Variants in PCDHA13 observed in about 807,000 individuals in gnomAD.
PCDHA13 encodes the protein protocadherin alpha 13.
In PCDHA13, 54 loss-of-function variants were observed where a neutral mutation model predicts 64.8. That is an observed-to-expected ratio of 0.83 (90% CI 0.67 to 1.04). The LOEUF (loss-of-function observed/expected upper bound fraction) is 1.04. PCDHA13 is among the 50% of genes least tolerant of loss of function. PCDHA13 has a pLI of 0.00. For missense variants in PCDHA13, 1,248 were observed against 1,254.3 expected, an observed-to-expected ratio of 0.99 and a Z score of 0.08; for synonymous variants, 587 against 564.4, an observed-to-expected ratio of 1.04 and a Z score of -0.57.
Position 140,973,415 on chromosome 5 carries a change from A to C in PCDHA13, c.2395-5534A>C, listed in dbSNP as rs552618579. On this transcript the variant is annotated intron_variant, in intron 1 of 3. Coordinates refer to ENST00000289272, the MANE Select transcript of PCDHA13 (RefSeq NM_018904.3). ...AATCATATCTATGAGCTTCCACTCC[A>C]GTTTTTCATCCTCTGATGGTCACTT... Among the ~76,000 whole-genome samples the C allele has an allele frequency of 1.8e-3, 272 of 152,344 alleles. 1 individual carries two copies. Among genetic ancestry groups the C allele is most frequent in the Non-Finnish European group, 3.1e-3 (212 of 68,028 alleles).
chr5:140,945,829 A>G (rs1472344558), intron 1 of PCDHA13, among the ~76,000 whole-genome samples: 1 of 152,180 alleles, frequency 6.6e-6, no homozygotes, highest in Non-Finnish European at 1.5e-5. Flanking sequence ...ACAAAAGTCA[A>G]CTCAAAATGG....
chr5:140,949,685 G>A (rs1044878374), intron 1 of PCDHA13, among the ~76,000 whole-genome samples: 4 of 151,794 alleles, frequency 2.6e-5, no homozygotes, highest in East Asian at 1.9e-4. Flanking sequence ...TTGTTGAAGC[G>A]TATTGTTGGA....
At chr5:140,975,634 A>G (rs1457671890) in intron 1 of PCDHA13, among the ~76,000 whole-genome samples, 4 of 152,244 alleles carry the variant, frequency 2.6e-5, no homozygotes, top group African/African-American at 9.6e-5. Context: ...TGGTACGAAG[A>G]TAGCATATTA....
intron 1 of PCDHA13, among the ~76,000 whole-genome samples, chr5:140,898,001 C>G (rs2066457062): frequency 6.6e-6 from 1 of 152,116 alleles, no homozygotes; most frequent in Non-Finnish European, 1.5e-5. Flanking sequence ...TGAGAAGTGT[C>G]TGTTCATATC....
At chr5:140,940,987 T>A (rs1239979893) in intron 1 of PCDHA13, among the ~76,000 whole-genome samples, 2 of 152,190 alleles carry the variant, frequency 1.3e-5, no homozygotes, top group African/African-American at 4.8e-5. Flanking sequence ...TAGTTACAAG[T>A]TTATAGGATT....
At chr5:140,926,947 G>C in intron 1 of PCDHA13, 1 of 1,590,600 alleles carries the variant, frequency 6.3e-7, no homozygotes, top group Non-Finnish European at 8.6e-7. Context: ...CGGCGCTGCA[G>C]CGGGACAGCT....
chr5:140,935,995 C>G (rs1282709145), intron 1 of PCDHA13, among the ~76,000 whole-genome samples: 1 of 150,774 alleles, frequency 6.6e-6, no homozygotes, highest in African/African-American at 2.4e-5. Context: ...CGGGTTCAAG[C>G]GATTCTCCCA....
At chr5:140,889,121 G>A (rs2062113098) in intron 1 of PCDHA13, among the ~76,000 whole-genome samples, 1 of 151,724 alleles carries the variant, frequency 6.6e-6, no homozygotes, top group East Asian at 1.9e-4. Flanking sequence ...AGGTGATACT[G>A]ATATGTCCTA....
At chr5:140,996,597 C>G (rs183031992) in intron 3 of PCDHA13, among the ~76,000 whole-genome samples, 47 of 152,304 alleles carry the variant, frequency 3.1e-4, no homozygotes, top group African/African-American at 1.1e-3. Context: ...CGCCTCCCCC[C>G]ATTTTCATTT....
Position 140,884,312 on chromosome 5 carries a change from G to T in PCDHA13, c.2044G>T (p.Ala682Ser). The T allele has an allele frequency of 6.2e-7, 1 of 1,613,768 alleles. No individual in the cohort carries two copies. The highest frequency in any genetic ancestry group is 8.5e-7 in the Non-Finnish European group (1 of 1,179,852). Residue 682 changes from alanine (A) to serine (S), a missense_variant, in exon 1 of 4, where the codon GCG becomes TCG. Transcript: ENST00000289272. The stretch of plus-strand genomic sequence containing the variant: ...CCAAGCGCCACAGGCTTCGTCGAGG[G>T]CGTCGGCAGGCGCTGTGGGTCCAGA... Reference protein sequence around the residue: ...SGQAPQASSRASAGAVGPEAA... With the variant: ...SGQAPQASSRSSAGAVGPEAA...
chr5:140,998,893 C>T (rs144409989), intron 3 of PCDHA13, among the ~76,000 whole-genome samples: 1 of 152,306 alleles, frequency 6.6e-6, no homozygotes, highest in African/African-American at 2.4e-5. Flanking sequence ...GAATAAATAA[C>T]AATGCCTCCG....
chr5:140,905,652 T>A (rs1554192111), intron 1 of PCDHA13, among the ~76,000 whole-genome samples: 1 of 152,240 alleles, frequency 6.6e-6, no homozygotes, highest in East Asian at 1.9e-4. Flanking sequence ...CAGTATTGAT[T>A]CCTGTCATCC....
At chr5:140,955,401 A>T (rs1202478496) in intron 1 of PCDHA13, among the ~76,000 whole-genome samples, 2 of 152,122 alleles carry the variant, frequency 1.3e-5, no homozygotes, top group African/African-American at 4.8e-5. Flanking sequence ...TATCCCATAC[A>T]GTTCTCATGA....
chr5:140,903,401 T>C (rs577425497), intron 1 of PCDHA13, among the ~76,000 whole-genome samples: 1 of 152,218 alleles, frequency 6.6e-6, no homozygotes, highest in Non-Finnish European at 1.5e-5. Context: ...GAAACAGTAG[T>C]GCAGTCAGGA....
chr5:140,969,491 C>T (rs2096337176), intron 1 of PCDHA13: 8 of 1,449,294 alleles, frequency 5.5e-6, no homozygotes, highest in Non-Finnish European at 7.3e-6. Context: ...CTGCTATTTC[C>T]TCTCTAGAAA....
chr5:140,934,239 T>C (rs2089722399), intron 1 of PCDHA13, among the ~76,000 whole-genome samples: 1 of 152,146 alleles, frequency 6.6e-6, no homozygotes, highest in Non-Finnish European at 1.5e-5. Context: ...TACTTAATTG[T>C]GGAGATTTAT....
In PCDHA13 at chr5:140,884,280, A is replaced by G; in HGVS notation, c.2012A>G (p.Glu671Gly). The G allele has an allele frequency of 6.2e-7, 1 of 1,613,576 alleles. No homozygotes were observed. Among genetic ancestry groups the G allele is most frequent in the Non-Finnish European group, 8.5e-7 (1 of 1,179,790 alleles). ...ATATVLLSLV[E>G]SGQAPQASSR... ...GCAACGGTGCTGTTGTCGCTGGTGG[A>G]GAGCGGCCAAGCGCCACAGGCTTCG... Residue 671 changes from glutamate to glycine, a missense_variant, in exon 1 of 4, where the codon GAG becomes GGG. Glu to Gly is a moderately conservative substitution (Grantham distance 98). Transcript: ENST00000289272.
rs908218007 is a variant in PCDHA13 at position 140,929,518 on chromosome 5, T to C, written c.2394+44856T>C. On this transcript the variant is annotated intron_variant, in intron 1 of 3. Transcript: ENST00000289272. ...ATTGCCCTAGGCCTCAAGGGACTTA[T>C]AGTTTATTTTTGAGAAACAAGGGCA... 7 of 753,028 alleles carry C rather than the reference T, an allele frequency of 9.3e-6. No homozygotes were observed. The Admixed American group carries it at 1.2e-4, about 13-fold the overall frequency. The allele number at this position is 753,028 out of a possible 1,614,324, so 46.6% of individuals were successfully genotyped here. A position where few individuals can be genotyped will look rare whatever the true frequency, so the allele number is the denominator to read the frequency against.
intron 1 of PCDHA13, among the ~76,000 whole-genome samples, chr5:140,947,763 A>C (rs1392881813): frequency 1.3e-5 from 2 of 151,658 alleles, no homozygotes; most frequent in Non-Finnish European, 3.0e-5. Context: ...TGGTTTAAAA[A>C]ATTCTATTGT....
Sources: allele counts gnomAD v4.1 joint callset (sites outside exome capture counted in the v4.1 genomes callset), GRCh38; gene constraint gnomAD v4.1.1; transcripts MANE v1.5; gene names NCBI Gene and HGNC (gene_info 2026-07-23, HGNC 2026-07-21).